Variants in DDR2 observed in about 807,000 individuals in gnomAD.
The protein encoded by DDR2 is discoidin domain receptor tyrosine kinase 2.
In DDR2, 27 loss-of-function variants were observed where a neutral mutation model predicts 94.9. The observed-to-expected ratio is 0.28, with a 90% CI of 0.21 to 0.39. The LOEUF (loss-of-function observed/expected upper bound fraction) is 0.39. Among genes scored for constraint, DDR2 ranks in the 10% least tolerant of loss-of-function variants. The probability of loss-of-function intolerance (pLI) is 1.00; values close to 1 mark genes in which losing one functional copy is unlikely to be tolerated. For synonymous variants in DDR2, 382 were observed against 377.2 expected (o/e 1.01, Z -0.15); for missense variants, 783 against 1,076.0 (o/e 0.73, Z 3.81).
intron 2 of DDR2, among the ~76,000 whole-genome samples, chr1:162,659,062 A>G (rs10799857): frequency 0.83 from 126,378 of 152,028 alleles, 53,190 homozygotes; most frequent in Middle Eastern, 0.93. Flanking sequence ...ATTTTTATTT[A>G]CCAAAAAGGT....
chr1:162,645,095 G>A (rs559383679), intron 1 of DDR2, among the ~76,000 whole-genome samples: 2 of 152,312 alleles, frequency 1.3e-5, no homozygotes, highest in South Asian at 4.1e-4. Context: ...CTGCAGGGGT[G>A]GCGTGGTCAT....
intron 2 of DDR2, among the ~76,000 whole-genome samples, chr1:162,685,107 G>GT (rs1372847811): frequency 6.6e-6 from 1 of 152,076 alleles, no homozygotes; most frequent in Admixed American, 6.6e-5. Context: ...TTTGGGGCAT[G>GT]TTTTTTAACT....
At chr1:162,700,261 T>C (rs893744423) in intron 2 of DDR2, among the ~76,000 whole-genome samples, 6 of 152,200 alleles carry the variant, frequency 3.9e-5, no homozygotes, top group Non-Finnish European at 8.8e-5. Flanking sequence ...ACACCATCTT[T>C]TGCTATTTGG....
chr1:162,739,319 G>A (rs1048384988), intron 3 of DDR2, among the ~76,000 whole-genome samples: 2 of 151,976 alleles, frequency 1.3e-5, no homozygotes, highest in African/African-American at 4.8e-5. Context: ...GACACTTCTC[G>A]TTTCTTTTTT....
At position 162,728,000 on chromosome 1, in the gene DDR2, CTA is replaced by C. The variant is rs1267414355; in HGVS notation, c.82+8866_82+8867del. Among the ~76,000 whole-genome samples, 96 of 131,878 alleles carry C rather than the reference CTA, an allele frequency of 7.3e-4. 1 individual carries two copies. The highest frequency in any genetic ancestry group is 4.1e-3 in the Middle Eastern group (1 of 246). 86.5% of individuals were successfully genotyped at this position (131,878 alleles called of 152,430 possible). On this transcript the variant is annotated intron_variant, in intron 3 of 17. Transcript: ENST00000367921. ...ATAGATATAATCACACTATATATAT[CTA>C]TATATATATAGATATAATCACACTA...
chr1:162,718,549 T>C (rs1558043933), intron 2 of DDR2, among the ~76,000 whole-genome samples: 1 of 152,170 alleles, frequency 6.6e-6, no homozygotes, highest in Admixed American at 6.5e-5. Flanking sequence ...ATGAATCATT[T>C]TGGGGAAACC....
At chr1:162,650,817 C>A (rs1295837852) in intron 1 of DDR2, among the ~76,000 whole-genome samples, 2 of 151,988 alleles carry the variant, frequency 1.3e-5, no homozygotes, top group African/African-American at 4.8e-5. Context: ...CCTAAGCCTT[C>A]CAGGTTCAAG....
rs188237692 is a variant in DDR2, at chr1:162,721,469, C to T, written c.82+2324C>T. Among the ~76,000 whole-genome samples the T allele has an allele frequency of 1.5e-3, 221 of 152,258 alleles. 1 individual carries two copies. Among genetic ancestry groups the T allele is most frequent in the African/African-American group, 5.1e-3 (211 of 41,544 alleles). The stretch of plus-strand genomic sequence containing the variant: ...TTTCTTTCTATTTTACCAAGTCAAA[C>T]CAGAGATGAGTGTTTGAGGCAGATG... On this transcript the variant is annotated intron_variant, in intron 3 of 17. Coordinates refer to ENST00000367921, the MANE Select transcript of DDR2 (RefSeq NM_006182.4).
At chr1:162,648,150 G>A (rs1005222426) in intron 1 of DDR2, among the ~76,000 whole-genome samples, 1 of 151,624 alleles carries the variant, frequency 6.6e-6, no homozygotes, top group South Asian at 2.1e-4. Flanking sequence ...AGAAAATTCC[G>A]GGAGCAGTAA....
At chr1:162,639,743 G>A (rs892429354) in intron 1 of DDR2, among the ~76,000 whole-genome samples, 5 of 152,184 alleles carry the variant, frequency 3.3e-5, no homozygotes, top group Non-Finnish European at 7.4e-5. Flanking sequence ...GACTTAAAAC[G>A]GTTCAACTTA....
At chr1:162,643,530 G>A (rs375976950) in intron 1 of DDR2, among the ~76,000 whole-genome samples, 10 of 152,236 alleles carry the variant, frequency 6.6e-5, no homozygotes, top group African/African-American at 2.4e-4. Context: ...CACCCAGGCT[G>A]GAGTGCAGAG....
intron 1 of DDR2, among the ~76,000 whole-genome samples, chr1:162,642,821 T>A (rs1242309299): frequency 6.6e-6 from 1 of 152,174 alleles, no homozygotes; most frequent in Non-Finnish European, 1.5e-5. Flanking sequence ...ATACTTTTCA[T>A]TTGTTAAAGC....
intron 2 of DDR2, among the ~76,000 whole-genome samples, chr1:162,704,667 C>A (rs1316218612): frequency 6.6e-6 from 1 of 152,172 alleles, no homozygotes; most frequent in Non-Finnish European, 1.5e-5. Flanking sequence ...TCTGCGGGGT[C>A]TCTTTTAAAA....
intron 3 of DDR2, among the ~76,000 whole-genome samples, chr1:162,731,131 A>G (rs1662027595): frequency 6.6e-6 from 1 of 152,162 alleles, no homozygotes; most frequent in African/African-American, 2.4e-5. Flanking sequence ...TTTTAGAGGG[A>G]GCACTAATTA....
At chr1:162,726,649 G>T (rs958979596) in intron 3 of DDR2, among the ~76,000 whole-genome samples, 4 of 152,064 alleles carry the variant, frequency 2.6e-5, no homozygotes, top group African/African-American at 9.7e-5. Flanking sequence ...CATGATCATG[G>T]GACTCCAGGA....
intron 7 of DDR2, among the ~76,000 whole-genome samples, chr1:162,758,021 A>G (rs1214702318): frequency 6.6e-6 from 1 of 152,170 alleles, no homozygotes; most frequent in Non-Finnish European, 1.5e-5. Context: ...GAGAAGTATA[A>G]TTTATGGAAA....
intron 1 of DDR2, among the ~76,000 whole-genome samples, chr1:162,635,313 A>ACC (rs34650390): frequency 2.6e-5 from 4 of 151,716 alleles, no homozygotes; most frequent in African/African-American, 9.7e-5. Context: ...TGGAGCGGCC[A>ACC]CCCCCCATAC....
intron 3 of DDR2, among the ~76,000 whole-genome samples, chr1:162,727,271 T>C (rs2490868): frequency 0.78 from 79,976 of 102,998 alleles, 33,500 homozygotes; most frequent in Non-Finnish European, 0.9. Context: ...TAAATATAAA[T>C]ATAAATATAA....
intron 2 of DDR2, among the ~76,000 whole-genome samples, chr1:162,680,104 A>G (rs1659332202): frequency 6.6e-6 from 1 of 152,052 alleles, no homozygotes; most frequent in Non-Finnish European, 1.5e-5. Context: ...TTTACTGTTA[A>G]TAGTATCTTT....
Sources: allele counts gnomAD v4.1 joint callset (sites outside exome capture counted in the v4.1 genomes callset), GRCh38; gene constraint gnomAD v4.1.1; transcripts MANE v1.5; gene names NCBI Gene and HGNC (gene_info 2026-07-23, HGNC 2026-07-21).